Variants in GFPT2 observed in about 807,000 individuals in gnomAD.
GFPT2 encodes the protein glutamine--fructose-6-phosphate aminotransferase [isomerizing] 2.
A neutral mutation model predicts 85.6 loss-of-function variants in GFPT2; 62 were observed. That is an observed-to-expected ratio of 0.72 (90% confidence interval 0.59 to 0.90). The LOEUF is 0.90. GFPT2 is among the 40% of genes least tolerant of loss of function. The pLI, the probability that GFPT2 is intolerant of heterozygous loss-of-function variation, is 0.00. For synonymous variants in GFPT2, 368 were observed against 344.5 expected (o/e 1.07, Z -0.75); for missense variants, 788 against 893.4 (o/e 0.88, Z 1.50).
chr5:180,317,542 G>A (rs982199175), intron 10 of GFPT2, among the ~76,000 whole-genome samples: 4 of 151,254 alleles, frequency 2.6e-5, no homozygotes, highest in South Asian at 2.1e-4. Flanking sequence ...GGCGGATCAC[G>A]AAGTCAGGAG....
intron 16 of GFPT2, among the ~76,000 whole-genome samples, chr5:180,305,426 T>C (rs552782987): frequency 1.7e-3 from 254 of 152,340 alleles, no homozygotes; most frequent in African/African-American, 5.7e-3. Flanking sequence ...TTTGAATTAA[T>C]TTTTTTCCTG....
intron 15 of GFPT2, among the ~76,000 whole-genome samples, chr5:180,310,451 C>A (rs1211587252): frequency 6.7e-6 from 1 of 149,908 alleles, no homozygotes; most frequent in South Asian, 2.1e-4. Flanking sequence ...CACTCTGTTG[C>A]CCAGGCTGGA....
chr5:180,328,483 C>A lies in GFPT2; in HGVS notation c.535-145G>T. On this transcript the variant is annotated intron_variant, in intron 6 of 18. Transcript: ENST00000253778. This position sits in a 1 kb window ranked among gnomAD's most constrained non-coding sequence, Gnocchi z 5.4. ...GGGAGCTGAGTGCAGAACAGCGCAT[C>A]CGGGGTGACATCACGAGGGAAAGCA... The A allele has an allele frequency of 1.6e-6, 1 of 640,248 alleles. No homozygotes were observed. 39.7% of individuals were successfully genotyped at this position (640,248 alleles called of 1,614,324 possible). A position where few individuals can be genotyped will look rare whatever the true frequency, so the allele number is the denominator to read the frequency against.
intron 1 of GFPT2, chr5:180,352,229 C>G (rs560864862): frequency 7.0e-5 from 25 of 359,640 alleles, no homozygotes; most frequent in African/African-American, 5.4e-4. Context: ...CGCGGGCGCA[C>G]CCCACCCCGG....
chr5:180,315,240 C>T (rs12514698), intron 13 of GFPT2, among the ~76,000 whole-genome samples: 72,708 of 150,836 alleles, frequency 0.48, 17,735 homozygotes, highest in South Asian at 0.5. Context: ...TGCAGTGGCG[C>T]GATCTCAGCT....
intron 9 of GFPT2, among the ~76,000 whole-genome samples, chr5:180,321,718 T>A (rs990497204): frequency 1.3e-5 from 2 of 152,282 alleles, no homozygotes; most frequent in African/African-American, 4.8e-5. Context: ...ACAGAATCAC[T>A]TCCTGAAGTT....
chr5:180,308,858 T>C (rs939250363), intron 15 of GFPT2, among the ~76,000 whole-genome samples: 1 of 151,380 alleles, frequency 6.6e-6, no homozygotes, highest in Non-Finnish European at 1.5e-5. Context: ...GTCACCTTGA[T>C]CTCATCAGAG....
At chr5:180,334,055 T>C (rs942480346) in intron 4 of GFPT2, among the ~76,000 whole-genome samples, 2 of 152,202 alleles carry the variant, frequency 1.3e-5, no homozygotes, top group Admixed American at 6.5e-5. Context: ...CAGATGTACA[T>C]TCTAGGTCCT....
chr5:180,309,866 A>G (rs1194624079), intron 15 of GFPT2, among the ~76,000 whole-genome samples: 3 of 150,742 alleles, frequency 2.0e-5, no homozygotes, highest in East Asian at 3.9e-4. Context: ...GCTGGAGTGC[A>G]GTGGTGCGAT....
chr5:180,333,837 G>T (rs1213579042), intron 4 of GFPT2, among the ~76,000 whole-genome samples: 1 of 152,156 alleles, frequency 6.6e-6, no homozygotes, highest in Non-Finnish European at 1.5e-5. Flanking sequence ...TGGGCCTCCT[G>T]GGAGCCTCCC....
At position 180,323,353 on chromosome 5, in the gene GFPT2, G is replaced by A. The variant is rs1011049706; in HGVS notation, c.794+835C>T. On this transcript the variant is annotated intron_variant, in intron 9 of 18. Coordinates refer to ENST00000253778, the MANE Select transcript of GFPT2 (RefSeq NM_005110.4). The surrounding 1 kb of genome is among the most constrained non-coding windows in gnomAD (Gnocchi z 4.0). Reference sequence around the variant, plus strand: ...GTCGCTCCCGTTTCCCAGGAGACCCGGCCTGGTGTCCTCCCTGCCTCACAG... The same window carrying A: ...GTCGCTCCCGTTTCCCAGGAGACCCAGCCTGGTGTCCTCCCTGCCTCACAG... 5.3e-5 allele frequency among the ~76,000 whole-genome samples: 8 copies of A among 152,242 alleles called. No individual in the cohort carries two copies. Among genetic ancestry groups the A allele is most frequent in the Admixed American group, 2.0e-4 (3 of 15,286 alleles).
chr5:180,329,578 C>T (rs554075642), intron 6 of GFPT2, among the ~76,000 whole-genome samples: 1 of 152,350 alleles, frequency 6.6e-6, no homozygotes, highest in South Asian at 2.1e-4. Context: ...TAAACACGTC[C>T]TCTAAATGAT....
Position 180,318,746 on chromosome 5 carries a change from G to A in GFPT2, c.958+47C>T, listed in dbSNP as rs189610849. 35 of 1,550,300 alleles carry A rather than the reference G, an allele frequency of 2.3e-5. No homozygotes were observed. The Middle Eastern group carries it at 6.8e-4, about 30-fold the overall frequency. On this transcript the variant is annotated intron_variant, in intron 10 of 18. Coordinates refer to ENST00000253778, the MANE Select transcript of GFPT2 (RefSeq NM_005110.4). The surrounding 1 kb of genome is among the most constrained non-coding windows in gnomAD (Gnocchi z 4.2). ...CAGAGTGTCAGGAGCTCCACCAGGC[G>A]CGCTGGCTCCCGAGGCTGCCGCACG...
At chr5:180,321,761 GGTTTTGTTTT>G (rs10610483) in intron 9 of GFPT2, among the ~76,000 whole-genome samples, 18,391 of 150,582 alleles carry the variant, frequency 0.12, 1,475 homozygotes, top group Non-Finnish European at 0.16. Flanking sequence ...TAATATGGAG[GGTTTTGTTTT>G]GTTTTGTTTT....
rs566820110 is a variant in GFPT2, at chr5:180,323,533, T to C, written c.794+655A>G. Among the ~76,000 whole-genome samples, 3 of 152,226 alleles carry C rather than the reference T, an allele frequency of 2.0e-5. No homozygotes were observed. The East Asian group carries it at 5.8e-4, about 29-fold the overall frequency. On this transcript the variant is annotated intron_variant, in intron 9 of 18. Transcript: ENST00000253778. This position sits in a 1 kb window ranked among gnomAD's most constrained non-coding sequence, Gnocchi z 4.0. ...CAGGAAAGTGCTCTGGTTCTCTCTC[T>C]CCCTCTCTCTCTCTCTGTGTGTGTG...
At chr5:180,324,362 T>G (rs1191318001) in intron 8 of GFPT2, 57 bp from the exon 9 acceptor site, 4 of 1,013,942 alleles carry the variant, frequency 3.9e-6, no homozygotes, top group Non-Finnish European at 6.1e-6. Flanking sequence ...TTGCATAATA[T>G]GCAGCAAGGA....
At chr5:180,324,037 C>T (rs908459376) in intron 9 of GFPT2, 151 bp downstream of exon 9, 1 of 669,804 alleles carries the variant, frequency 1.5e-6, no homozygotes, top group Non-Finnish European at 2.7e-6. Flanking sequence ...ACTCCAGGCC[C>T]AGGCCCAGGG....
chr5:180,319,010 C>T (rs1222530606), intron 9 of GFPT2, 54 bp from the exon 10 acceptor site: 3 of 1,560,826 alleles, frequency 1.9e-6, no homozygotes, highest in African/African-American at 2.7e-5. Context: ...AGTTACGAGG[C>T]AGCAGCCCCT....
chr5:180,328,331 G>C lies in GFPT2; in HGVS notation c.542C>G (p.Ala181Gly). The change falls in exon 7 of 19, where the codon GCA becomes GGA. Residue 181 changes from alanine (A) to glycine (G), a missense_variant. Physicochemically the swap from Ala to Gly is moderately conservative, Grantham distance 60. Coordinates refer to ENST00000253778, the MANE Select transcript of GFPT2 (RefSeq NM_005110.4). This position sits in a 1 kb window ranked among gnomAD's most constrained non-coding sequence, Gnocchi z 5.4. ...VERVIQQLEGAFALVFKSVHY... is the reference protein window; with the variant it reads ...VERVIQQLEGGFALVFKSVHY... ...GACACTCTTGAAAACCAGCGCGAAT[G>C]CACCTTCCTGAAAACACACAAACAG... is the stretch of plus-strand genomic sequence containing the variant. The C allele has an allele frequency of 6.2e-7, 1 of 1,612,388 alleles. No homozygotes were observed. Among genetic ancestry groups the C allele is most frequent in the Non-Finnish European group, 8.5e-7 (1 of 1,178,526 alleles).
Sources: gnomAD v4.1 joint callset for allele counts (sites outside exome capture counted in the v4.1 genomes callset) on GRCh38, gnomAD v4.1.1 for gene constraint, Gnocchi (gnomAD v3.1) non-coding constraint, MANE v1.5 for transcripts, NCBI Gene and HGNC (gene_info 2026-07-23, HGNC 2026-07-21) for gene names.